The following IQGAP2 variants were observed in gnomAD, a reference collection of about 807,000 sequenced individuals.
IQGAP2 encodes IQ motif containing GTPase activating protein 2, also known as ras GTPase-activating-like protein IQGAP2.
IQGAP2 carries 173 observed loss-of-function variants against 201.3 expected under a neutral mutation model. The observed-to-expected ratio is 0.86, with a 90% CI of 0.76 to 0.98. The LOEUF is 0.98. Among genes scored for constraint, IQGAP2 ranks in the 50% least tolerant of loss-of-function variants. The pLI is 0.00. For synonymous variants in IQGAP2, 675 were observed against 673.9 expected (o/e 1.00, Z -0.03); for missense variants, 1,687 against 1,864.8 (o/e 0.90, Z 1.76).
intron 1 of IQGAP2, among the ~76,000 whole-genome samples, chr5:76,454,762 T>A (rs1010742794): frequency 6.6e-6 from 1 of 151,984 alleles, no homozygotes; most frequent in African/African-American, 2.4e-5. Context: ...TACGTGTGCA[T>A]GTGTCTTTAT....
In IQGAP2 at chr5:76,533,204, T is replaced by C. The variant is rs557929797; in HGVS notation, c.147-29192T>C. ...AACTCACTTTGGTATCTGATATTGC[T>C]AGCATCTTGTGTTAGAGCCAAAACT... On this transcript the variant is annotated intron_variant, in intron 2 of 35. Coordinates refer to ENST00000274364, the MANE Select transcript of IQGAP2 (RefSeq NM_006633.5). Among the ~76,000 whole-genome samples the C allele has an allele frequency of 2.8e-4, 42 of 152,232 alleles. No homozygotes were observed. In the South Asian group the frequency reaches 8.1e-3, roughly 29 times the overall value.
intron 1 of IQGAP2, among the ~76,000 whole-genome samples, chr5:76,407,198 C>T (rs982790650): frequency 3.3e-5 from 5 of 152,186 alleles, no homozygotes; most frequent in African/African-American, 1.2e-4. Flanking sequence ...CCAGGCTGAG[C>T]TCAAGCAGTC....
intron 2 of IQGAP2, among the ~76,000 whole-genome samples, chr5:76,533,451 GC>G (rs1759434025): frequency 6.6e-6 from 1 of 151,802 alleles, no homozygotes. Context: ...TCTTTACTAG[GC>G]AGTTCTTTAT....
intron 1 of IQGAP2, among the ~76,000 whole-genome samples, chr5:76,438,008 G>GTTTTTTTTTTTTTTTT (rs768892670): frequency 2.2e-4 from 20 of 91,008 alleles, no homozygotes; most frequent in East Asian, 8.8e-4. Flanking sequence ...TTGGTCTGTA[G>GTTTTTTTTTTTTTTTT]TTTTTTTTTT....
At chr5:76,698,305 A>T (rs1044222275) in intron 33 of IQGAP2, among the ~76,000 whole-genome samples, 158 bp downstream of exon 33, 8 of 152,214 alleles carry the variant, frequency 5.3e-5, no homozygotes, top group South Asian at 2.1e-4. Context: ...GCCACTGTGA[A>T]CTAAGAAGTC....
chr5:76,486,703 C>A (rs891567101), intron 2 of IQGAP2, among the ~76,000 whole-genome samples: 1 of 152,036 alleles, frequency 6.6e-6, no homozygotes. Flanking sequence ...AGTGACAACA[C>A]CCATGTAAAA....
intron 2 of IQGAP2, among the ~76,000 whole-genome samples, chr5:76,478,205 G>A (rs545506957): frequency 2.1e-4 from 32 of 152,224 alleles, no homozygotes; most frequent in African/African-American, 7.7e-4. Flanking sequence ...TTTGAGACCA[G>A]CCTGGCCAAC....
chr5:76,629,354 A>G (rs1164226081), intron 14 of IQGAP2, among the ~76,000 whole-genome samples: 1 of 152,210 alleles, frequency 6.6e-6, no homozygotes, highest in African/African-American at 2.4e-5. Context: ...AGCATCACAC[A>G]CACTCTCAGA....
At chr5:76,512,487 GATCTTTAA>G (rs1487451470) in intron 2 of IQGAP2, among the ~76,000 whole-genome samples, 1 of 152,114 alleles carries the variant, frequency 6.6e-6, no homozygotes, top group Non-Finnish European at 1.5e-5. Context: ...CTCTATTGGT[GATCTTTAA>G]GAGATAACTT....
intron 1 of IQGAP2, among the ~76,000 whole-genome samples, chr5:76,458,295 C>T (rs11747022): frequency 0.22 from 32,830 of 152,086 alleles, 3,742 homozygotes; most frequent in Middle Eastern, 0.29. Flanking sequence ...CATATGGAAA[C>T]GTCCTTTATA....
At chr5:76,675,333 C>T (rs890202990) in intron 27 of IQGAP2, among the ~76,000 whole-genome samples, 7 of 152,048 alleles carry the variant, frequency 4.6e-5, no homozygotes, top group African/African-American at 1.7e-4. Context: ...GTCCTGGAAC[C>T]AATCCCCCAA....
chr5:76,481,735 A>C (rs1366065948), intron 2 of IQGAP2, among the ~76,000 whole-genome samples: 2 of 152,194 alleles, frequency 1.3e-5, no homozygotes, highest in African/African-American at 4.8e-5. Context: ...TTTTATACTA[A>C]GTCTTTACTA....
intron 3 of IQGAP2, among the ~76,000 whole-genome samples, chr5:76,569,659 G>A (rs1379446642): frequency 6.6e-6 from 1 of 152,190 alleles, no homozygotes; most frequent in African/African-American, 2.4e-5. Context: ...AGAAGGTGGG[G>A]AGAGCCAAAC....
Position 76,550,659 on chromosome 5 carries a change from C to T in IQGAP2, c.147-11737C>T, listed in dbSNP as rs556524021. 4.1e-4 allele frequency among the ~76,000 whole-genome samples: 62 copies of T among 152,218 alleles called. 1 individual carries two copies. The highest frequency in any genetic ancestry group is 1.4e-3 in the African/African-American group (60 of 41,524). ...GACACAGCACATGTTTCAGAGAGCA[C>T]GGGGTTGGGGGTAGGGTCACCGATC... On this transcript the variant is annotated intron_variant, in intron 2 of 35. Coordinates refer to ENST00000274364, the MANE Select transcript of IQGAP2 (RefSeq NM_006633.5).
At chr5:76,419,237 A>C (rs1751581928) in intron 1 of IQGAP2, among the ~76,000 whole-genome samples, 1 of 152,150 alleles carries the variant, frequency 6.6e-6, no homozygotes, top group Non-Finnish European at 1.5e-5. Flanking sequence ...TCCTGGGCTC[A>C]AGCTATGCTC....
intron 2 of IQGAP2, among the ~76,000 whole-genome samples, chr5:76,544,933 AT>A (rs1201894772): frequency 1.3e-5 from 2 of 152,052 alleles, no homozygotes; most frequent in East Asian, 1.9e-4. Flanking sequence ...GTACATATAT[AT>A]GTCTACAGTA....
chr5:76,599,006 A>G (rs1747233894), intron 10 of IQGAP2, among the ~76,000 whole-genome samples: 1 of 152,222 alleles, frequency 6.6e-6, no homozygotes, highest in Non-Finnish European at 1.5e-5. Context: ...CTGCAAATGT[A>G]TATATGAATT....
chr5:76,603,813 A>G (rs1747600803), intron 11 of IQGAP2, among the ~76,000 whole-genome samples: 1 of 152,086 alleles, frequency 6.6e-6, no homozygotes. Context: ...ACTCCTTACT[A>G]GTCTGTCCAT....
chr5:76,554,070 G>A (rs1743742964), intron 2 of IQGAP2, among the ~76,000 whole-genome samples: 1 of 152,282 alleles, frequency 6.6e-6, no homozygotes, highest in East Asian at 1.9e-4. Context: ...TGTACAGTCA[G>A]TTAATTTTCA....
Sources: allele counts gnomAD v4.1 joint callset (sites outside exome capture counted in the v4.1 genomes callset), GRCh38; gene constraint gnomAD v4.1.1; transcripts MANE v1.5; gene names NCBI Gene and HGNC (gene_info 2026-07-23, HGNC 2026-07-21).